The following KHDRBS2 variants were observed in gnomAD, a reference collection of about 807,000 sequenced individuals.
KHDRBS2 encodes the protein KH domain-containing, RNA-binding, signal transduction-associated protein 2.
In KHDRBS2, 26 loss-of-function variants were observed where a neutral mutation model predicts 44.3. That is an observed-to-expected ratio of 0.59 (90% CI 0.43 to 0.81). The LOEUF is 0.81. KHDRBS2 is among the 40% of genes least tolerant of loss of function. The probability of loss-of-function intolerance (pLI) is 0.00; values close to 1 mark genes in which losing one functional copy is unlikely to be tolerated. For missense variants in KHDRBS2, 476 were observed against 433.1 expected (o/e 1.10, Z -0.88); for synonymous variants, 194 against 151.1 (o/e 1.28, Z -2.08).
intron 5 of KHDRBS2, among the ~76,000 whole-genome samples, chr6:61,898,120 A>C (rs951379269): frequency 7.2e-5 from 11 of 152,092 alleles, no homozygotes; most frequent in Non-Finnish European, 1.5e-4. Context: ...TAGAGCTTAA[A>C]ATATTCTAGA....
chr6:62,046,127 G>A (rs1787639713), intron 3 of KHDRBS2, among the ~76,000 whole-genome samples: 1 of 151,786 alleles, frequency 6.6e-6, no homozygotes, highest in Non-Finnish European at 1.5e-5. Context: ...ATAAGAAACT[G>A]AATTGTAAGT....
At chr6:61,583,635 A>C in the KHDRBS2 span, among the ~76,000 whole-genome samples, 1 of 151,738 alleles carries the variant, frequency 6.6e-6, no homozygotes, top group Non-Finnish European at 1.5e-5. Flanking sequence ...ATCTGGAGTC[A>C]GGTAGAGTAA....
At chr6:61,974,782 T>G (rs2127401002) in intron 4 of KHDRBS2, among the ~76,000 whole-genome samples, 1 of 151,660 alleles carries the variant, frequency 6.6e-6, no homozygotes, top group Non-Finnish European at 1.5e-5. Context: ...AATACAAAAA[T>G]TAGCTGGGCA....
chr6:61,876,831 C>T (rs1485974113), intron 6 of KHDRBS2, among the ~76,000 whole-genome samples: 1 of 151,972 alleles, frequency 6.6e-6, no homozygotes, highest in African/African-American at 2.4e-5. Flanking sequence ...AAATAAGTGG[C>T]CTTGGGTAAT....
At chr6:62,105,847 C>T (rs1224045851) in intron 2 of KHDRBS2, among the ~76,000 whole-genome samples, 2 of 151,986 alleles carry the variant, frequency 1.3e-5, no homozygotes, top group African/African-American at 2.4e-5. Flanking sequence ...TCTTGCTTTT[C>T]GAGTTCTTTT....
chr6:61,600,586 C>G, the KHDRBS2 span, among the ~76,000 whole-genome samples: 1 of 152,156 alleles, frequency 6.6e-6, no homozygotes, highest in Non-Finnish European at 1.5e-5. Flanking sequence ...AAAAGCTTTA[C>G]TGCTCACACA....
At chr6:61,881,362 T>G (rs903994459) in intron 6 of KHDRBS2, among the ~76,000 whole-genome samples, 3 of 149,126 alleles carry the variant, frequency 2.0e-5, no homozygotes, top group African/African-American at 7.7e-5. Context: ...ATTAAAATAA[T>G]GAACTTGAAA....
chr6:62,283,010 T>C (rs536813408), intron 1 of KHDRBS2, among the ~76,000 whole-genome samples: 10 of 152,258 alleles, frequency 6.6e-5, no homozygotes, highest in South Asian at 2.1e-4. Context: ...AATAAACTTA[T>C]GTAATTTCAT....
chr6:61,830,679 C>T (rs950168123), intron 6 of KHDRBS2, among the ~76,000 whole-genome samples: 2 of 152,110 alleles, frequency 1.3e-5, no homozygotes, highest in African/African-American at 4.8e-5. Context: ...TCTTTGGTTT[C>T]CCATTTGAGG....
intron 6 of KHDRBS2, among the ~76,000 whole-genome samples, chr6:61,815,633 G>A (rs1399738591): frequency 1.3e-5 from 2 of 152,100 alleles, no homozygotes; most frequent in Non-Finnish European, 2.9e-5. Context: ...CCATGACCTT[G>A]GAAATATGGC....
chr6:61,846,967 G>T lies in KHDRBS2; in HGVS notation c.810+47668C>A, dbSNP rs549052693. Among the ~76,000 whole-genome samples the T allele has an allele frequency of 3.3e-5, 5 of 152,162 alleles. No homozygotes were observed. The East Asian group carries it at 9.6e-4, about 29-fold the overall frequency. Reference sequence around the variant, plus strand: ...ATCAAATTTGTGTTAGTGTTGTGGAGAAAGAGTGTAAGTAAATTACAACTG... The same window carrying T: ...ATCAAATTTGTGTTAGTGTTGTGGATAAAGAGTGTAAGTAAATTACAACTG... On this transcript the variant is annotated intron_variant, in intron 6 of 8. Transcript: ENST00000281156.
chr6:61,647,285 G>C, the KHDRBS2 span, among the ~76,000 whole-genome samples: 1 of 152,052 alleles, frequency 6.6e-6, no homozygotes, highest in Non-Finnish European at 1.5e-5. Context: ...TAACAACTTA[G>C]TGTGTGAGGG....
At chr6:61,885,550 GGA>G (rs1207847313) in intron 6 of KHDRBS2, among the ~76,000 whole-genome samples, 1 of 152,124 alleles carries the variant, frequency 6.6e-6, no homozygotes, top group Admixed American at 6.6e-5. Context: ...TGAGATGGTA[GGA>G]GTATTCCTGG....
chr6:62,152,829 T>C (rs1270171784), intron 2 of KHDRBS2, among the ~76,000 whole-genome samples: 1 of 152,182 alleles, frequency 6.6e-6, no homozygotes, highest in Non-Finnish European at 1.5e-5. Context: ...AAGTAACTTG[T>C]GCATGACAAG....
chr6:61,799,908 T>G (rs1562207200), intron 6 of KHDRBS2, among the ~76,000 whole-genome samples: 1 of 152,110 alleles, frequency 6.6e-6, no homozygotes, highest in African/African-American at 2.4e-5. Context: ...AGTAAGTTCA[T>G]GTGTATGCAT....
chr6:61,893,927 T>G (rs1802458366), intron 6 of KHDRBS2, among the ~76,000 whole-genome samples: 1 of 151,988 alleles, frequency 6.6e-6, no homozygotes, highest in Non-Finnish European at 1.5e-5. Flanking sequence ...TACAGAAGAC[T>G]TCCTATTGTT....
chr6:61,840,010 A>G (rs999799752), intron 6 of KHDRBS2, among the ~76,000 whole-genome samples: 1 of 152,098 alleles, frequency 6.6e-6, no homozygotes, highest in African/African-American at 2.4e-5. Flanking sequence ...TCAGTAAAAT[A>G]ATCTATTCAG....
At chr6:62,239,586 A>C (rs1834254993) in intron 1 of KHDRBS2, among the ~76,000 whole-genome samples, 1 of 7,824 alleles carries the variant, frequency 1.3e-4, no homozygotes, top group South Asian at 4.2e-3. Flanking sequence ...TAAATAAATG[A>C]ATGAATAAAT....
chr6:61,886,119 C>A (rs1800918668), intron 6 of KHDRBS2, among the ~76,000 whole-genome samples: 1 of 152,084 alleles, frequency 6.6e-6, no homozygotes, highest in South Asian at 2.1e-4. Context: ...CTTTAATCCA[C>A]CCTAGACAAC....
Sources: allele counts gnomAD v4.1 joint callset (sites outside exome capture counted in the v4.1 genomes callset), GRCh38; gene constraint gnomAD v4.1.1; transcripts MANE v1.5; gene names NCBI Gene and HGNC (gene_info 2026-07-23, HGNC 2026-07-21).